SYT16: variants seen among roughly 807,000 people sequenced by gnomAD.
The protein encoded by SYT16 is synaptotagmin-16.
Under a neutral mutation model 61.4 loss-of-function variants are expected in SYT16, and 42 were observed. The ratio of observed to expected loss-of-function variants is 0.68; its 90% CI spans 0.53 to 0.89. SYT16 has a LOEUF of 0.89. Ranked by LOEUF, SYT16 falls within the 40% of genes least tolerant of loss-of-function variation. The pLI, the probability that SYT16 is intolerant of heterozygous loss-of-function variation, is 0.00. For missense variants in SYT16, 804 were observed against 807.3 expected (o/e 1.00, Z 0.05); for synonymous variants, 314 against 302.3 (o/e 1.04, Z -0.40).
chr14:61,911,285 G>A (rs1020640545), intron 1 of SYT16, among the ~76,000 whole-genome samples: 23 of 152,170 alleles, frequency 1.5e-4, no homozygotes, highest in African/African-American at 5.3e-4. Context: ...TCAGAACCAG[G>A]CACTTTCTAA....
intron 2 of SYT16, among the ~76,000 whole-genome samples, chr14:61,991,953 CATT>C (rs2052569551): frequency 9.6e-5 from 4 of 41,684 alleles, no homozygotes; most frequent in Admixed American, 8.2e-4. Flanking sequence ...TTTGTTCGTT[CATT>C]CATTCATTCA....
chr14:61,973,793 C>T (rs573969666), intron 2 of SYT16, among the ~76,000 whole-genome samples: 131 of 152,184 alleles, frequency 8.6e-4, no homozygotes, highest in Non-Finnish European at 1.3e-3. Context: ...TCCTCCCAGG[C>T]AGGGAAGGGA....
At chr14:61,968,428 A>T (rs2051407774) in intron 1 of SYT16, among the ~76,000 whole-genome samples, 1 of 152,210 alleles carries the variant, frequency 6.6e-6, no homozygotes, top group African/African-American at 2.4e-5. Flanking sequence ...CACTGCATTC[A>T]CAAGGGAGAG....
intron 2 of SYT16, among the ~76,000 whole-genome samples, chr14:61,983,936 C>T (rs2052194376): frequency 6.6e-6 from 1 of 152,142 alleles, no homozygotes. Context: ...AGTTGCCACT[C>T]CACAAAAGTG....
chr14:61,961,079 A>G (rs932087804), intron 1 of SYT16, among the ~76,000 whole-genome samples: 8 of 152,206 alleles, frequency 5.3e-5, no homozygotes, highest in African/African-American at 1.9e-4. Context: ...AGGAAATTAA[A>G]ACGGGACACC....
At chr14:62,015,854 T>C (rs1483584312) in intron 3 of SYT16, among the ~76,000 whole-genome samples, 1 of 152,216 alleles carries the variant, frequency 6.6e-6, no homozygotes, top group Non-Finnish European at 1.5e-5. Context: ...TATGGTATGT[T>C]GTTATAGCAG....
At chr14:61,899,358 A>C (rs2048431337) in intron 1 of SYT16, among the ~76,000 whole-genome samples, 1 of 152,220 alleles carries the variant, frequency 6.6e-6, no homozygotes. Flanking sequence ...TAGAGAAGCA[A>C]ACTTTTCCTT....
In SYT16 at chr14:62,101,256, A is replaced by G. The variant is rs1435996533; in HGVS notation, c.*549A>G. 3.3e-5 allele frequency: 5 copies of G among 152,478 alleles called. No homozygotes were observed. The highest frequency in any genetic ancestry group is 7.2e-5 in the African/African-American group (3 of 41,454). The allele number at this position is 152,478 out of a possible 1,614,324, so 9.4% of individuals were successfully genotyped here. ...TATTTACCTAACGAGTAAATATTAT[A>G]AACTTGCACTTTTAAAATAAATTTG... On this transcript the variant is annotated 3_prime_UTR_variant, in exon 8 of 8. Transcript: ENST00000683842.
At chr14:62,068,366 AAAAC>A (rs1279845522) in intron 3 of SYT16, among the ~76,000 whole-genome samples, 1 of 350 alleles carries the variant, frequency 2.9e-3, no homozygotes, top group Non-Finnish European at 4.2e-3. Flanking sequence ...GGAATCTAAA[AAAAC>A]AAAACAAAAC....
chr14:61,843,929 A>G (rs1029562146), intron 1 of SYT16, among the ~76,000 whole-genome samples: 1 of 152,074 alleles, frequency 6.6e-6, no homozygotes, highest in Non-Finnish European at 1.5e-5. Flanking sequence ...TTTTTTCTAT[A>G]TATGTGAAGA....
intron 5 of SYT16, among the ~76,000 whole-genome samples, chr14:62,078,528 C>T (rs148227198): frequency 3.9e-5 from 6 of 152,234 alleles, no homozygotes; most frequent in Non-Finnish European, 7.4e-5. Flanking sequence ...GCAGAGCCTA[C>T]GTAAAGGCTT....
intron 1 of SYT16, among the ~76,000 whole-genome samples, chr14:61,915,094 G>A (rs2049069615): frequency 1.3e-5 from 2 of 152,082 alleles, no homozygotes; most frequent in African/African-American, 4.8e-5. Context: ...TGTAGTTTGA[G>A]ATGACAATAA....
chr14:62,075,204 C>G lies in SYT16; in HGVS notation c.806C>G (p.Ala269Gly), dbSNP rs568243731. ...TACGGTGAAGATGACCACATCCCTG[C>G]TCACTCACAGTCCCCATGTGAAAGA... is the stretch of plus-strand genomic sequence containing the variant. ...LSYGEDDHIP[A>G]HSQSPCERGD... Residue 269 changes from alanine to glycine, a missense_variant, in exon 5 of 8, where the codon GCT becomes GGT. Transcript: ENST00000683842. The G allele has an allele frequency of 1.9e-6, 3 of 1,613,380 alleles. No homozygotes were observed. In the African/African-American group the frequency reaches 4.0e-5, roughly 22 times the overall value.
At chr14:61,859,752 G>C (rs1316498791) in intron 1 of SYT16, among the ~76,000 whole-genome samples, 5 of 152,010 alleles carry the variant, frequency 3.3e-5, no homozygotes, top group Non-Finnish European at 7.4e-5. Context: ...GAAGATGAAG[G>C]CATCTGGGAA....
chr14:61,832,401 CTA>C, intron 1 of SYT16: 1 of 517,652 alleles, frequency 1.9e-6, no homozygotes, highest in South Asian at 1.5e-5. Flanking sequence ...CCGCCGCCCT[CTA>C]TGCCCGGTGT....
At chr14:61,964,142 G>A (rs1204095081) in intron 1 of SYT16, among the ~76,000 whole-genome samples, 3 of 152,114 alleles carry the variant, frequency 2.0e-5, no homozygotes, top group Non-Finnish European at 4.4e-5. Flanking sequence ...CAGCCAATGG[G>A]TTCAAGGAGT....
chr14:62,089,508 AT>A lies in SYT16; in HGVS notation c.1624+5129del, dbSNP rs905030706. ...AATGCCCATGTTATAAAGTGTTGTG[AT>A]TTTTTAAAAAAAATCATGTATGTGG... On this transcript the variant is annotated intron_variant, in intron 7 of 7. Coordinates refer to ENST00000683842, the MANE Select transcript of SYT16 (RefSeq NM_001367656.1). Among the ~76,000 whole-genome samples the A allele has an allele frequency of 4.2e-4, 22 of 52,146 alleles. No homozygotes were observed. The South Asian group carries it at 6.6e-3, about 16-fold the overall frequency. The allele number at this position is 52,146 out of a possible 152,430, so 34.2% of individuals were successfully genotyped here.
At chr14:61,936,755 T>C (rs1478557952) in intron 1 of SYT16, among the ~76,000 whole-genome samples, 1 of 152,182 alleles carries the variant, frequency 6.6e-6, no homozygotes, top group African/African-American at 2.4e-5. Flanking sequence ...CTTAGCTCTT[T>C]GACGCTCCCA....
At chr14:61,881,086 C>A (rs2047681483) in intron 1 of SYT16, among the ~76,000 whole-genome samples, 1 of 152,150 alleles carries the variant, frequency 6.6e-6, no homozygotes, top group African/African-American at 2.4e-5. Flanking sequence ...TCCATCACTA[C>A]CTCCCCAAAG....
Sources: allele counts gnomAD v4.1 joint callset (sites outside exome capture counted in the v4.1 genomes callset), GRCh38; gene constraint gnomAD v4.1.1; transcripts MANE v1.5; gene names NCBI Gene and HGNC (gene_info 2026-07-23, HGNC 2026-07-21).